The following TACC2 variants were observed in gnomAD, a reference collection of about 807,000 sequenced individuals.
TACC2 encodes the protein transforming acidic coiled-coil-containing protein 2.
In TACC2, 137 loss-of-function variants were observed where a neutral mutation model predicts 227.3. That is an observed-to-expected ratio of 0.60 (90% CI 0.52 to 0.69). The LOEUF (loss-of-function observed/expected upper bound fraction) is 0.69. TACC2 is among the 30% of genes least tolerant of loss of function. The pLI, the probability that TACC2 is intolerant of heterozygous loss-of-function variation, is 0.00. For missense variants in TACC2, 3,470 were observed against 3,694.4 expected (o/e 0.94, Z 1.57); for synonymous variants, 1,523 against 1,487.5 (o/e 1.02, Z -0.55).
At position 122,174,322 on chromosome 10, in the gene TACC2, A is replaced by G. The variant is rs953585628; in HGVS notation, c.5835-20718A>G. ...AAGAACAGTGCAACGCTTTGGCAAT[A>G]CCTCCCAGAAAAATAGCTAGTGGGC... On this transcript the variant is annotated intron_variant, in intron 7 of 22. Coordinates refer to ENST00000369005, the MANE Select transcript of TACC2 (RefSeq NM_206862.4). Among the ~76,000 whole-genome samples, 4 of 152,018 alleles carry G rather than the reference A, an allele frequency of 2.6e-5. No homozygotes were observed. The East Asian group carries it at 7.7e-4, about 29-fold the overall frequency.
chr10:122,227,832 C>T lies in TACC2; in HGVS notation c.7725-5C>T. On this transcript the variant is annotated splice_region_variant and splice_polypyrimidine_tract_variant and intron_variant, in intron 13 of 22. Transcript: ENST00000369005. Reference sequence around the variant, plus strand: ...CTAAAGAAAGATGCCCTTTGCTTCCCCCAGGTCAAGTTTTGAAGAGACTGA... The same window carrying T: ...CTAAAGAAAGATGCCCTTTGCTTCCTCCAGGTCAAGTTTTGAAGAGACTGA... 6.2e-7 allele frequency: 1 copy of T among 1,605,376 alleles called. No individual in the cohort carries two copies. Among genetic ancestry groups the T allele is most frequent in the Non-Finnish European group, 8.5e-7 (1 of 1,174,920 alleles).
chr10:122,050,362 C>A lies in TACC2; in HGVS notation c.34-76C>A. The A allele has an allele frequency of 1.8e-6, 2 of 1,131,304 alleles. No homozygotes were observed. The highest frequency in any genetic ancestry group is 1.3e-5 in the South Asian group (1 of 74,136). 70.1% of individuals were successfully genotyped at this position (1,131,304 alleles called of 1,614,324 possible). On this transcript the variant is annotated intron_variant, in intron 2 of 22. Transcript: ENST00000369005. The surrounding 1 kb of genome is among the most constrained non-coding windows in gnomAD (Gnocchi z 4.6). Reference sequence around the variant, plus strand: ...TTACCTTGAATGCTGTGGTGGGTGCCCTGTTGATAAATGTTTTTGTGTTTT... The same window carrying A: ...TTACCTTGAATGCTGTGGTGGGTGCACTGTTGATAAATGTTTTTGTGTTTT...
intron 16 of TACC2, among the ~76,000 whole-genome samples, chr10:122,236,494 C>A (rs141265899): frequency 6.6e-6 from 1 of 152,208 alleles, no homozygotes; most frequent in Non-Finnish European, 1.5e-5. Context: ...ACTGACAACC[C>A]GGCTGTGCTG....
rs781519455 is a variant in TACC2 at position 122,082,987 on chromosome 10, C to A, written c.487C>A (p.Pro163Thr). ...TCCCGCTGAGAGGGACAGCTCTACT[C>A]CATACCAAGAGATTGCTGCCGTCCC... ...AFPAERDSST[P>T]YQEIAAVPSA... Residue 163 changes from proline to threonine, a missense_variant, in exon 4 of 23, where the codon CCA becomes ACA. Coordinates refer to ENST00000369005, the MANE Select transcript of TACC2 (RefSeq NM_206862.4). 2 of 1,612,794 alleles carry A rather than the reference C, an allele frequency of 1.2e-6. No individual in the cohort carries two copies. The highest frequency in any genetic ancestry group is 1.7e-6 in the Non-Finnish European group (2 of 1,180,016).
At chr10:122,054,791 G>GC (rs1465672108) in intron 3 of TACC2, among the ~76,000 whole-genome samples, 27 of 152,152 alleles carry the variant, frequency 1.8e-4, no homozygotes, top group Non-Finnish European at 2.8e-4. Flanking sequence ...AGGCTCCCAG[G>GC]CAATGGTAAT....
intron 2 of TACC2, among the ~76,000 whole-genome samples, chr10:122,035,720 C>G (rs541675150): frequency 6.6e-6 from 1 of 152,282 alleles, no homozygotes; most frequent in East Asian, 1.9e-4. Context: ...ACTTTTTCAT[C>G]TTCTCAAACT....
At chr10:121,996,471 C>T (rs562126880) in intron 1 of TACC2, among the ~76,000 whole-genome samples, 1 of 152,184 alleles carries the variant, frequency 6.6e-6, no homozygotes, top group Non-Finnish European at 1.5e-5. Flanking sequence ...GACCTCCCAC[C>T]AGGCCCCACT....
rs113290893 is a variant in TACC2 at position 122,204,051 on chromosome 10, G to A, written c.5972-6346G>A. On this transcript the variant is annotated intron_variant, in intron 8 of 22. Coordinates refer to ENST00000369005, the MANE Select transcript of TACC2 (RefSeq NM_206862.4). ...CGCGCGCCTGCAATCCCAGGCACTC[G>A]GCAGGCTGAGGCAGGAGAATCAGGC... 2.2e-3 allele frequency among the ~76,000 whole-genome samples: 338 copies of A among 151,332 alleles called. 2 individuals are homozygous for A. The highest frequency in any genetic ancestry group is 6.4e-3 in the African/African-American group (263 of 40,858).
intron 7 of TACC2, among the ~76,000 whole-genome samples, chr10:122,178,227 TTTTC>T (rs1280017734): frequency 2.1e-5 from 3 of 142,138 alleles, no homozygotes; most frequent in African/African-American, 5.8e-5. Flanking sequence ...ATAAGGGTTT[TTTTC>T]TTTCTTTCTT....
At chr10:122,104,970 T>C (rs2082585223) in intron 5 of TACC2, among the ~76,000 whole-genome samples, 1 of 152,226 alleles carries the variant, frequency 6.6e-6, no homozygotes, top group Non-Finnish European at 1.5e-5. Flanking sequence ...CATCTCACTT[T>C]TTAACCCTAG....
intron 6 of TACC2, among the ~76,000 whole-genome samples, chr10:122,136,569 A>ATC: frequency 6.7e-6 from 1 of 148,664 alleles, no homozygotes; most frequent in African/African-American, 2.5e-5. Context: ...ATATATATAT[A>ATC]TTAGATGTAG....
chr10:122,179,656 A>T (rs1592996088), intron 7 of TACC2, among the ~76,000 whole-genome samples: 1 of 132,278 alleles, frequency 7.6e-6, no homozygotes, highest in African/African-American at 4.1e-5. Context: ...AAAACAACTC[A>T]GGGGCCAGGC....
At chr10:122,132,051 A>AG (rs1491207639) in intron 5 of TACC2, among the ~76,000 whole-genome samples, 65 of 1,332 alleles carry the variant, frequency 0.049, 1 homozygote, top group East Asian at 0.36. Flanking sequence ...AAAGAAAGAA[A>AG]GAAAGAAAGA....
At position 122,083,387 on chromosome 10, in the gene TACC2, C is replaced by T. The variant is rs150583771; in HGVS notation, c.887C>T (p.Pro296Leu). Residue 296 changes from proline to leucine, a missense_variant, in exon 4 of 23, where the codon CCG becomes CTG. Transcript: ENST00000369005. ...AGAGAAAGAGGCCAAGGGGAGGCGC[C>T]GCCTCAGTATTTAACAGATGACTTG... Reference protein sequence around the residue: ...SDRERGQGEAPPQYLTDDLEF... With the variant: ...SDRERGQGEALPQYLTDDLEF... 2.9e-4 allele frequency: 474 copies of T among 1,613,894 alleles called. 3 individuals carry two copies. The African/African-American group carries it at 5.1e-3, about 17-fold the overall frequency.
intron 7 of TACC2, among the ~76,000 whole-genome samples, chr10:122,144,591 G>C (rs1278698988): frequency 6.6e-6 from 1 of 152,200 alleles, no homozygotes; most frequent in East Asian, 1.9e-4. Flanking sequence ...AGAATATAAG[G>C]GGTGCCCAAA....
rs1365079980 is a variant in TACC2 at position 122,011,716 on chromosome 10, TTGG to T, written c.-45-10209_-45-10207del. Among the ~76,000 whole-genome samples, 6 of 152,278 alleles carry T rather than the reference TTGG, an allele frequency of 3.9e-5. No individual in the cohort carries two copies. The East Asian group carries it at 7.7e-4, about 20-fold the overall frequency. On this transcript the variant is annotated intron_variant, in intron 1 of 22. Transcript: ENST00000369005. ...GCTGCAATTAGGTGATAATTTGTTG[TTGG>T]TGGTGGTGGTGATGGGAATCTGAAA...
At chr10:122,162,698 G>T (rs193170991) in intron 7 of TACC2, among the ~76,000 whole-genome samples, 3 of 152,176 alleles carry the variant, frequency 2.0e-5, no homozygotes, top group Non-Finnish European at 4.4e-5. Context: ...CAGGGATTTG[G>T]CTGCTGATGG....
Position 122,138,982 on chromosome 10 carries a change from C to A in TACC2, c.5700-4590C>A, listed in dbSNP as rs570627061. Reference sequence around the variant, plus strand: ...AGCCTCTGTAAACCAGGACTCATCCCCAGAGAGCTCAGGACATAAGGAAAT... The same window carrying A: ...AGCCTCTGTAAACCAGGACTCATCCACAGAGAGCTCAGGACATAAGGAAAT... On this transcript the variant is annotated intron_variant, in intron 6 of 22. Coordinates refer to ENST00000369005, the MANE Select transcript of TACC2 (RefSeq NM_206862.4). Among the ~76,000 whole-genome samples, 8 of 152,294 alleles carry A rather than the reference C, an allele frequency of 5.3e-5. No homozygotes were observed. In the South Asian group the frequency reaches 1.0e-3, roughly 20 times the overall value.
chr10:122,227,935 A>G lies in TACC2; in HGVS notation c.7823A>G (p.Gln2608Arg), dbSNP rs1370858692. 6.2e-7 allele frequency: 1 copy of G among 1,614,232 alleles called. No individual in the cohort carries two copies. The highest frequency in any genetic ancestry group is 2.2e-5 in the East Asian group (1 of 44,894). The change falls in exon 14 of 23, where the codon CAG becomes CGG. Residue 2608 changes from glutamine (Q) to arginine (R), a missense_variant. Gln to Arg is a conservative substitution (Grantham distance 43, BLOSUM62 1). Around this residue, in one of 10 missense-constraint regions of TACC2, gnomAD observed 345 missense variants for 354.4 expected, o/e 0.97. Coordinates refer to ENST00000369005, the MANE Select transcript of TACC2 (RefSeq NM_206862.4). ...GCCCCTAACCAAGAGTCACACTTGC[A>G]GGTGCCAGAGAAATCCTCCCAGAAG... ...GLAPNQESHL[Q>R]VPEKSSQKEL...
Sources: gnomAD v4.1 joint callset for allele counts (sites outside exome capture counted in the v4.1 genomes callset) on GRCh38, gnomAD v4.1.1 for gene constraint, gnomAD v4.1.1 regional missense constraint, Gnocchi (gnomAD v3.1) non-coding constraint, MANE v1.5 for transcripts, NCBI Gene and HGNC (gene_info 2026-07-23, HGNC 2026-07-21) for gene names.